The following RBFOX3 variants were observed in gnomAD, a reference collection of about 807,000 sequenced individuals.
RBFOX3 encodes the protein RNA binding fox-1 homolog 3, also known as RNA binding protein fox-1 homolog 3.
In RBFOX3, 17 loss-of-function variants were observed where a neutral mutation model predicts 48.7. That is an observed-to-expected ratio of 0.35 (90% CI 0.24 to 0.52). The LOEUF is 0.52. RBFOX3 is among the 20% of genes least tolerant of loss of function. The pLI, the probability that RBFOX3 is intolerant of heterozygous loss-of-function variation, is 0.94. For missense variants in RBFOX3, 382 were observed against 497.5 expected (o/e 0.77, Z 2.21); for synonymous variants, 212 against 209.5 (o/e 1.01, Z -0.10).
chr17:79,510,524 C>T (rs2083975165), intron 1 of RBFOX3, among the ~76,000 whole-genome samples: 1 of 152,202 alleles, frequency 6.6e-6, no homozygotes, highest in Non-Finnish European at 1.5e-5. Context: ...CTGCGCAGCC[C>T]CTCCATCCCA....
intron 1 of RBFOX3, among the ~76,000 whole-genome samples, chr17:79,529,162 AT>A (rs1254362137): frequency 1.3e-5 from 2 of 152,186 alleles, no homozygotes; most frequent in Non-Finnish European, 2.9e-5. Flanking sequence ...GGTACCCAGG[AT>A]TCCACGCACT....
intron 1 of RBFOX3, among the ~76,000 whole-genome samples, chr17:79,558,182 A>G (rs2091919118): frequency 6.6e-6 from 1 of 152,164 alleles, no homozygotes; most frequent in Non-Finnish European, 1.5e-5. Context: ...CAGGAAAGAC[A>G]TACCCTCAGA....
At chr17:79,324,541 C>T (rs1432587205) in intron 2 of RBFOX3, among the ~76,000 whole-genome samples, 1 of 152,202 alleles carries the variant, frequency 6.6e-6, no homozygotes, top group Non-Finnish European at 1.5e-5. Flanking sequence ...GGCAGTAGCC[C>T]CTCTGGTGGG....
chr17:79,327,571 GC>G (rs1410150101), intron 2 of RBFOX3, among the ~76,000 whole-genome samples: 3 of 152,216 alleles, frequency 2.0e-5, no homozygotes, highest in African/African-American at 7.2e-5. Context: ...TTCTTTTGTT[GC>G]TTTTATTTTT....
At chr17:79,564,946 C>T in intron 1 of RBFOX3, among the ~76,000 whole-genome samples, 1 of 149,214 alleles carries the variant, frequency 6.7e-6, no homozygotes, top group East Asian at 2.0e-4. Context: ...GGAGCTGAGG[C>T]AGGAGAATTG....
intron 1 of RBFOX3, among the ~76,000 whole-genome samples, chr17:79,555,846 A>G (rs2091711819): frequency 6.7e-6 from 1 of 149,128 alleles, no homozygotes; most frequent in African/African-American, 2.5e-5. Flanking sequence ...TGGTGATGGT[A>G]ACGGTGGTGA....
At chr17:79,543,102 T>A (rs891869795) in intron 1 of RBFOX3, among the ~76,000 whole-genome samples, 1 of 152,094 alleles carries the variant, frequency 6.6e-6, no homozygotes, top group African/African-American at 2.4e-5. Context: ...TTTGGCCACA[T>A]GTAACCCGGC....
In RBFOX3 at chr17:79,502,915, A is replaced by C. The variant is rs1366114916; in HGVS notation, c.-319-20317T>G. Among the ~76,000 whole-genome samples, 6 of 152,318 alleles carry C rather than the reference A, an allele frequency of 3.9e-5. No individual in the cohort carries two copies. In the East Asian group the frequency reaches 7.7e-4, roughly 20 times the overall value. Reference sequence around the variant, plus strand: ...AGCCTTTCACAGAGAACCCTTTCAAAGTCCTGTCCCGATCAGCTCAGGACC... The same window carrying C: ...AGCCTTTCACAGAGAACCCTTTCAACGTCCTGTCCCGATCAGCTCAGGACC... On this transcript the variant is annotated intron_variant, in intron 1 of 14. Coordinates refer to ENST00000693108, the MANE Select transcript of RBFOX3 (RefSeq NM_001350451.2).
At chr17:79,159,143 G>T (rs946512272) in intron 4 of RBFOX3, among the ~76,000 whole-genome samples, 2 of 152,232 alleles carry the variant, frequency 1.3e-5, no homozygotes, top group Admixed American at 6.5e-5. Flanking sequence ...GTTAGTGTGA[G>T]TTGGGGAGCG....
At chr17:79,290,383 G>T (rs147314397) in intron 3 of RBFOX3, among the ~76,000 whole-genome samples, 104 of 152,212 alleles carry the variant, frequency 6.8e-4, no homozygotes, top group African/African-American at 2.4e-3. Context: ...GCCTCTAAGG[G>T]CCTCATTTTC....
chr17:79,569,316 A>G (rs1423120292), intron 1 of RBFOX3, among the ~76,000 whole-genome samples: 1 of 152,142 alleles, frequency 6.6e-6, no homozygotes, highest in Non-Finnish European at 1.5e-5. Flanking sequence ...TATTTCATCT[A>G]AGTGGAATCA....
At chr17:79,244,762 TCTTCCTTCCTTCCTTTATTCTC>T (rs1391810087) in intron 3 of RBFOX3, among the ~76,000 whole-genome samples, 2 of 145,642 alleles carry the variant, frequency 1.4e-5, no homozygotes, top group Non-Finnish European at 3.0e-5. Context: ...TCCTTCCTTT[TCTTCCTTCCTTCCTTTATTCTC>T]CTTCCTTCCT....
rs959970772 is a variant in RBFOX3 at position 79,575,078 on chromosome 17, C to G, written c.-320+35748G>C. Among the ~76,000 whole-genome samples, 31 of 152,318 alleles carry G rather than the reference C, an allele frequency of 2.0e-4. No individual in the cohort carries two copies. The South Asian group carries it at 3.7e-3, about 18-fold the overall frequency. ...ATGACTGCTGCCCTGGGGTCTACCC[C>G]CTAGGTTCTGAAGGCAGCCTGGGTA... On this transcript the variant is annotated intron_variant, in intron 1 of 14. Coordinates refer to ENST00000693108, the MANE Select transcript of RBFOX3 (RefSeq NM_001350451.2).
intron 4 of RBFOX3, among the ~76,000 whole-genome samples, chr17:79,197,507 G>T (rs752356702): frequency 1.3e-5 from 2 of 150,208 alleles, no homozygotes; most frequent in Admixed American, 6.7e-5. Context: ...TCCTGCCTCA[G>T]CCTCCCGAGT....
At chr17:79,569,494 G>C (rs2092587569) in intron 1 of RBFOX3, among the ~76,000 whole-genome samples, 1 of 152,160 alleles carries the variant, frequency 6.6e-6, no homozygotes, top group South Asian at 2.1e-4. Context: ...ACGGACATTT[G>C]GGCTGTTTCA....
the RBFOX3 span, among the ~76,000 whole-genome samples, chr17:79,656,651 GAAAGGAAGAGAA>G: frequency 7.4e-6 from 1 of 135,168 alleles, no homozygotes; most frequent in African/African-American, 3.0e-5. Context: ...AGAGAAGAAA[GAAAGGAAGAGAA>G]GAAAGGAAAG....
chr17:79,581,506 C>T (rs1385774321), intron 1 of RBFOX3, among the ~76,000 whole-genome samples: 4 of 152,244 alleles, frequency 2.6e-5, no homozygotes, highest in African/African-American at 9.6e-5. Flanking sequence ...ACGTCACTCA[C>T]CGCTGCCATT....
intron 4 of RBFOX3, among the ~76,000 whole-genome samples, chr17:79,116,856 G>C (rs1263270362): frequency 6.6e-6 from 1 of 152,272 alleles, no homozygotes; most frequent in Non-Finnish European, 1.5e-5. Flanking sequence ...GGCAGTGGTT[G>C]TCAAAGTGGC....
rs1249253152 is a variant in RBFOX3, at chr17:79,568,066, G to A, written c.-320+42760C>T. Among the ~76,000 whole-genome samples, 7 of 152,278 alleles carry A rather than the reference G, an allele frequency of 4.6e-5. No homozygotes were observed. In the South Asian group the frequency reaches 6.2e-4, roughly 14 times the overall value. ...CAGTCACACTGCGTGTACTTGCGCT[G>A]GGTACTTCTTATCTTCCAGAGCAAT... On this transcript the variant is annotated intron_variant, in intron 1 of 14. Transcript: ENST00000693108.
Sources: gnomAD v4.1 joint callset for allele counts (sites outside exome capture counted in the v4.1 genomes callset) on GRCh38, gnomAD v4.1.1 for gene constraint, MANE v1.5 for transcripts, NCBI Gene and HGNC (gene_info 2026-07-23, HGNC 2026-07-21) for gene names.